CD82: variants seen among roughly 807,000 people sequenced by gnomAD.
CD82 encodes the protein CD82 molecule, also known as CD82 antigen.
A neutral mutation model predicts 37.4 loss-of-function variants in CD82; 36 were observed. That is an observed-to-expected ratio of 0.96 (90% CI 0.74 to 1.27). The LOEUF (loss-of-function observed/expected upper bound fraction) is 1.27. Among genes scored for constraint, CD82 ranks in the 50% most tolerant of loss-of-function variants. The probability of loss-of-function intolerance (pLI) is 0.00; values close to 1 mark genes in which losing one functional copy is unlikely to be tolerated. For missense variants in CD82, 340 were observed against 347.0 expected (o/e 0.98, Z 0.16); for synonymous variants, 158 against 137.4 (o/e 1.15, Z -1.05).
chr11:44,598,400 A>ATGTTTTT (rs1853258669), intron 3 of CD82, among the ~76,000 whole-genome samples: 1 of 58,880 alleles, frequency 1.7e-5, no homozygotes, highest in African/African-American at 6.5e-5. Context: ...TTTGGCCTTA[A>ATGTTTTT]TTTTTTTTTT....
rs1853248399 is a variant in CD82, at chr11:44,597,652, A to G, written c.64-2506A>G. 6.6e-6 allele frequency among the ~76,000 whole-genome samples: 1 copy of G among 152,206 alleles called. No homozygotes were observed. Among genetic ancestry groups the G allele is most frequent in the African/African-American group, 2.4e-5 (1 of 41,462 alleles). ...GATCTACTTGGGATTATGTGTGCCA[A>G]GAGGGGATTTTCTGTCCTGCCTCCC... On this transcript the variant is annotated intron_variant, in intron 3 of 9. Transcript: ENST00000227155. The surrounding 1 kb of genome is among the most constrained non-coding windows in gnomAD (Gnocchi z 4.1).
intron 6 of CD82, 98 bp from the exon 7 acceptor site, chr11:44,615,174 G>A (rs778317169): frequency 8.4e-5 from 64 of 766,130 alleles, no homozygotes; most frequent in Non-Finnish European, 1.5e-4. Flanking sequence ...TCCCAGGGTT[G>A]CTGAGGGGAA....
rs150095977 is a variant in CD82 at position 44,584,999 on chromosome 11, G to A, written c.-102-2476G>A. 213 of 344,926 alleles carry A rather than the reference G, an allele frequency of 6.2e-4. 3 individuals carry two copies. The East Asian group carries it at 9.0e-3, about 15-fold the overall frequency. The allele number at this position is 344,926 out of a possible 1,614,324, so 21.4% of individuals were successfully genotyped here. A position where few individuals can be genotyped will look rare whatever the true frequency, so the allele number is the denominator to read the frequency against. On this transcript the variant is annotated intron_variant, in intron 1 of 9. Coordinates refer to ENST00000227155, the MANE Select transcript of CD82 (RefSeq NM_002231.4). Reference sequence around the variant, plus strand: ...CACTTTCTGCCCGACTGGGCAGACCGAGCTCCCACGGGATCGGATGCCCAA... The same window carrying A: ...CACTTTCTGCCCGACTGGGCAGACCAAGCTCCCACGGGATCGGATGCCCAA...
chr11:44,578,594 G>A (rs1246493237), intron 1 of CD82, among the ~76,000 whole-genome samples: 3 of 152,126 alleles, frequency 2.0e-5, no homozygotes, highest in East Asian at 1.9e-4. Flanking sequence ...GGAATGAACC[G>A]TTACTACTCA....
rs554170839 is a variant in CD82, at chr11:44,594,303, C to G, written c.-20-340C>G. Among the ~76,000 whole-genome samples the G allele has an allele frequency of 6.6e-5, 10 of 152,280 alleles. No individual in the cohort carries two copies. In the East Asian group the frequency reaches 1.9e-3, roughly 29 times the overall value. On this transcript the variant is annotated intron_variant, in intron 2 of 9. Coordinates refer to ENST00000227155, the MANE Select transcript of CD82 (RefSeq NM_002231.4). ...GATCACTAACTTCCCGGCCCCCTGA[C>G]TTCAAACAGAGTCCATCTGTGCAAG...
intron 2 of CD82, among the ~76,000 whole-genome samples, chr11:44,590,792 G>A (rs1163688693): frequency 1.3e-5 from 2 of 151,894 alleles, no homozygotes; most frequent in African/African-American, 2.4e-5. Context: ...GGGCAGAGCC[G>A]GGCATAACCC....
At chr11:44,571,046 C>T (rs1190756089) in intron 1 of CD82, among the ~76,000 whole-genome samples, 1 of 152,184 alleles carries the variant, frequency 6.6e-6, no homozygotes, top group Non-Finnish European at 1.5e-5. Context: ...ACTTGACTTT[C>T]CCTGCTGTGT....
chr11:44,587,660 C>A, intron 2 of CD82, 104 bp downstream of exon 2: 1 of 445,068 alleles, frequency 2.2e-6, no homozygotes, highest in Non-Finnish European at 4.6e-6. Flanking sequence ...TCAGTCTGAG[C>A]CACCAGGTGG....
At chr11:44,587,833 G>A (rs1853079290) in intron 2 of CD82, 1 of 332,740 alleles carries the variant, frequency 3.0e-6, no homozygotes, top group Non-Finnish European at 6.0e-6. Flanking sequence ...GACAGAAGAG[G>A]CCTGAGAACC....
Position 44,593,994 on chromosome 11 carries a change from T to TAC in CD82, c.-20-628_-20-627dup, listed in dbSNP as rs10532667. Among the ~76,000 whole-genome samples the TAC allele has an allele frequency of 3.6e-3, 550 of 151,242 alleles. 6 individuals carry two copies. Among genetic ancestry groups the TAC allele is most frequent in the African/African-American group, 0.013 (520 of 41,212 alleles). ...CAATTTTGATTAGAACCATTTGTTA[T>TAC]ACACACACACACACACACACACGAA... On this transcript the variant is annotated intron_variant, in intron 2 of 9. Coordinates refer to ENST00000227155, the MANE Select transcript of CD82 (RefSeq NM_002231.4).
chr11:44,582,807 T>A (rs547144949), intron 1 of CD82, among the ~76,000 whole-genome samples: 5 of 152,218 alleles, frequency 3.3e-5, no homozygotes, highest in Admixed American at 6.5e-5. Flanking sequence ...GATGGTTATC[T>A]CTGGAGCCCT....
chr11:44,565,210 G>C (rs1029395318), upstream of CD82, among the ~76,000 whole-genome samples: 1 of 152,252 alleles, frequency 6.6e-6, no homozygotes, highest in African/African-American at 2.4e-5. Context: ...CTGGTGCGGG[G>C]AGGGGCGTGG....
chr11:44,571,618 A>G (rs1852816121), intron 1 of CD82, among the ~76,000 whole-genome samples: 1 of 152,036 alleles, frequency 6.6e-6, no homozygotes, highest in Non-Finnish European at 1.5e-5. Flanking sequence ...TGTATTGCTG[A>G]GGCTGGAGTG....
chr11:44,617,132 C>T (rs990402791), intron 7 of CD82, among the ~76,000 whole-genome samples: 4 of 152,152 alleles, frequency 2.6e-5, no homozygotes, highest in African/African-American at 4.8e-5. Context: ...CTGCTGTGAC[C>T]GTGGCTATCC....
intron 1 of CD82, among the ~76,000 whole-genome samples, chr11:44,571,934 A>G (rs1226372309): frequency 6.6e-6 from 1 of 152,234 alleles, no homozygotes; most frequent in Non-Finnish European, 1.5e-5. Context: ...TCTGGAGATC[A>G]GGGGACCTGG....
intron 7 of CD82, among the ~76,000 whole-genome samples, chr11:44,617,958 T>C (rs1853589510): frequency 6.6e-6 from 1 of 152,206 alleles, no homozygotes; most frequent in Admixed American, 6.5e-5. Context: ...AACTTGAACT[T>C]CCTTCCTACT....
At chr11:44,565,218 T>C, upstream of CD82, among the ~76,000 whole-genome samples, 1 of 151,092 alleles carries the variant, frequency 6.6e-6, no homozygotes, top group East Asian at 1.9e-4. Flanking sequence ...GGGAGGGGCG[T>C]GGCCTCACCC....
At chr11:44,596,002 G>A (rs971407257) in intron 3 of CD82, among the ~76,000 whole-genome samples, 2 of 149,008 alleles carry the variant, frequency 1.3e-5, no homozygotes, top group African/African-American at 2.5e-5. Context: ...CCTGGCACCC[G>A]CACACAAGTG....
chr11:44,576,383 G>A (rs1425950816), intron 1 of CD82, among the ~76,000 whole-genome samples: 2 of 152,180 alleles, frequency 1.3e-5, no homozygotes, highest in Non-Finnish European at 2.9e-5. Context: ...GGGTCCAGGA[G>A]GTAAAACAAC....
Sources: gnomAD v4.1 joint callset for allele counts (sites outside exome capture counted in the v4.1 genomes callset) on GRCh38, gnomAD v4.1.1 for gene constraint, Gnocchi (gnomAD v3.1) non-coding constraint, MANE v1.5 for transcripts, NCBI Gene and HGNC (gene_info 2026-07-23, HGNC 2026-07-21) for gene names.